The following ZNF574 variants were observed in gnomAD, a reference collection of about 807,000 sequenced individuals.
ZNF574 encodes the protein zinc finger protein 574.
In ZNF574, 25 loss-of-function variants were observed where a neutral mutation model predicts 56.6. The ratio of observed to expected loss-of-function variants is 0.44; its 90% confidence interval spans 0.32 to 0.62. ZNF574 has a LOEUF of 0.62. Ranked by LOEUF, ZNF574 falls within the 20% of genes least tolerant of loss-of-function variation. ZNF574 has a pLI of 0.04. For missense variants in ZNF574, 1,065 were observed against 1,218.9 expected (o/e 0.87, Z 1.88); for synonymous variants, 543 against 492.1 (o/e 1.10, Z -1.37).
exon 1 of ZNF574, chr19:42,068,615 T>C (rs2076375483): frequency 2.4e-6 from 1 of 421,314 alleles, no homozygotes; most frequent in Non-Finnish European, 4.2e-6. Flanking sequence ...AGGCACAGAA[T>C]AGAAAGAGAA....
rs181013078 is a variant in ZNF574 at position 42,079,175 on chromosome 19, G to A, written c.569G>A (p.Gly190Glu). The change falls in exon 2 of 2, where the codon GGG (glycine) becomes GAG (glutamate). Residue 190 changes from glycine to glutamate, a missense_variant. Coordinates refer to ENST00000359044, the MANE Select transcript of ZNF574 (RefSeq NM_022752.6). The surrounding 1 kb of genome is among the most constrained non-coding windows in gnomAD (Gnocchi z 4.3). ...TCATACCGAAAGGCAGAAGAGGGTG[G>A]GGAAGGGGCGACTGTCCCATCTGCC... The part of the protein sequence containing the change: ...EHSYRKAEEG[G>E]EGATVPSAAA... The A allele has an allele frequency of 6.2e-7, 1 of 1,613,892 alleles. No individual in the cohort carries two copies. The highest frequency in any genetic ancestry group is 1.1e-5 in the South Asian group (1 of 91,086).
In ZNF574 at chr19:42,078,861, G is replaced by A. The variant is rs1599876429; in HGVS notation, c.255G>A (p.Leu85=). ...AGTGCCTGGAGTGTGGTCAACTGCT[G>A]ATGTCACCCAGCCAGCTCCTGGAGC... ...QYQCLECGQL[L]MSPSQLLEHQ... The change falls in exon 2 of 2, where the codon CTG becomes CTA. Residue 85 remains leucine, a synonymous_variant. Transcript: ENST00000359044. 1.2e-6 allele frequency: 2 copies of A among 1,614,078 alleles called. No individual in the cohort carries two copies. Among genetic ancestry groups the A allele is most frequent in the East Asian group, 4.5e-5 (2 of 44,876 alleles).
At position 42,079,984 on chromosome 19, in the gene ZNF574, CCCGCTGCCCCAGGCACCTA is replaced by C. The variant is rs2076485751; in HGVS notation, c.1387_1405del (p.Pro463SerfsTer13). 6.2e-7 allele frequency: 1 copy of C among 1,613,748 alleles called. No homozygotes were observed. On this transcript the variant is annotated frameshift_variant, in exon 2 of 2. Transcript: ENST00000359044. LOFTEE classifies it high-confidence loss of function. The surrounding 1 kb of genome is among the most constrained non-coding windows in gnomAD (Gnocchi z 4.3). ...TGTGTCTGAGGAGACCTCAGCAGGG[CCCGCTGCCCCAGGCACCTA>C]CCGCTGCCTCCTGTGCAGCCGTGAA...
At position 42,080,315 on chromosome 19, in the gene ZNF574, G is replaced by A. The variant is rs769438304; in HGVS notation, c.1709G>A (p.Arg570His). ...FTQSSTLRQH[R>H]LVHAQHFPYR... ...CAAAGCTCCACACTGAGGCAGCACC[G>A]CTTGGTGCATGCCCAGCACTTCCCC... The change falls in exon 2 of 2, where the codon CGC (arginine) becomes CAC (histidine). Residue 570 changes from arginine to histidine, a missense_variant. Physicochemically the swap from Arg to His is conservative, Grantham distance 29. Transcript: ENST00000359044. This position sits in a 1 kb window ranked among gnomAD's most constrained non-coding sequence, Gnocchi z 8.5. 2.2e-5 allele frequency: 35 copies of A among 1,614,032 alleles called. No homozygotes were observed. Among genetic ancestry groups the A allele is most frequent in the Non-Finnish European group, 2.7e-5 (32 of 1,180,018 alleles).
chr19:42,079,740 C>T lies in ZNF574; in HGVS notation c.1134C>T (p.Leu378=), dbSNP rs771624136. The part of the protein sequence containing the change: ...DCGLAFGTEA[L]LLAHRRAHTP... ...GCCTGGCCTTCGGCACAGAGGCCCTCCTCCTGGCCCACCGGCGAGCCCACA... is the reference window on the plus strand; with the variant it reads ...GCCTGGCCTTCGGCACAGAGGCCCTTCTCCTGGCCCACCGGCGAGCCCACA... Residue 378 remains leucine (L), a synonymous_variant, in exon 2 of 2, where the codon CTC becomes CTT. Transcript: ENST00000359044. This position sits in a 1 kb window ranked among gnomAD's most constrained non-coding sequence, Gnocchi z 4.3. 1.1e-5 allele frequency: 18 copies of T among 1,614,050 alleles called. No homozygotes were observed. In the African/African-American group the frequency reaches 2.3e-4, roughly 20 times the overall value.
Position 42,080,601 on chromosome 19 carries a change from G to T in ZNF574, c.1995G>T (p.Arg665=). 1.9e-6 allele frequency: 3 copies of T among 1,612,796 alleles called. No homozygotes were observed. Among genetic ancestry groups the T allele is most frequent in the Non-Finnish European group, 1.7e-6 (2 of 1,179,868 alleles). Residue 665 remains arginine, a synonymous_variant, in exon 2 of 2, where the codon CGG becomes CGT. Coordinates refer to ENST00000359044, the MANE Select transcript of ZNF574 (RefSeq NM_022752.6). This position sits in a 1 kb window ranked among gnomAD's most constrained non-coding sequence, Gnocchi z 8.5. The part of the protein sequence containing the change: ...RCAAAAAQAP[R]RFECGTCGKK... ...CAGCCGCTGCTGCCCAGGCCCCACG[G>T]CGCTTTGAGTGTGGCACCTGTGGCA...
In ZNF574 at chr19:42,081,355, T is replaced by C. The variant is rs762743867; in HGVS notation, c.*58T>C. ...CCCTGTTGCTGAAGGCCCTCCAGCA[T>C]CCCCTTAAGCATCTGTACATACTGT... On this transcript the variant is annotated 3_prime_UTR_variant, in exon 2 of 2. Transcript: ENST00000359044. 7 of 1,591,954 alleles carry C rather than the reference T, an allele frequency of 4.4e-6. No homozygotes were observed. The South Asian group carries it at 7.7e-5, about 18-fold the overall frequency.
chr19:42,081,326 C>T lies in ZNF574; in HGVS notation c.*29C>T, dbSNP rs2076500629. Reference sequence around the variant, plus strand: ...TGCCCGACTTCCTCTTTGGCACCTCCATTCCCTGTTGCTGAAGGCCCTCCA... The same window carrying T: ...TGCCCGACTTCCTCTTTGGCACCTCTATTCCCTGTTGCTGAAGGCCCTCCA... On this transcript the variant is annotated 3_prime_UTR_variant, in exon 2 of 2. Transcript: ENST00000359044. 2 of 1,613,894 alleles carry T rather than the reference C, an allele frequency of 1.2e-6. No individual in the cohort carries two copies. The highest frequency in any genetic ancestry group is 1.3e-5 in the African/African-American group (1 of 74,938).
Position 42,081,192 on chromosome 19 carries a change from C to A in ZNF574, c.2586C>A (p.Ala862=). 6.2e-7 allele frequency: 1 copy of A among 1,614,114 alleles called. No individual in the cohort carries two copies. Among genetic ancestry groups the A allele is most frequent in the Non-Finnish European group, 8.5e-7 (1 of 1,180,032 alleles). The part of the protein sequence containing the change: ...VRQQLAEAEA[A]VGLAVMETAV... ...AGCAGCTGGCAGAGGCGGAGGCTGC[C>A]GTTGGCCTGGCCGTCATGGAGACTG... The change falls in exon 2 of 2, where the codon GCC becomes GCA. Residue 862 remains alanine, a synonymous_variant. Transcript: ENST00000359044.
At chr19:42,076,739 G>A (rs964784570) in intron 1 of ZNF574, among the ~76,000 whole-genome samples, 15 of 152,204 alleles carry the variant, frequency 9.9e-5, no homozygotes, top group Middle Eastern at 3.2e-3. Context: ...AAAATATCTA[G>A]TTCTTCCTGG....
intron 1 of ZNF574, 54 bp from the exon 2 acceptor site, chr19:42,078,533 A>C: frequency 8.2e-5 from 120 of 1,459,592 alleles, no homozygotes; most frequent in Non-Finnish European, 1.1e-4. Context: ...GATGAAGGGA[A>C]GAGCTGAGGA....
At chr19:42,075,114 G>C (rs919828824), upstream of ZNF574, 2 of 152,066 alleles carry the variant, frequency 1.3e-5, no homozygotes, top group Non-Finnish European at 2.9e-5. Context: ...TCGAATGCCT[G>C]ACTTCAAGTG....
intron 1 of ZNF574, among the ~76,000 whole-genome samples, chr19:42,077,150 G>A (rs1568942930): frequency 6.6e-6 from 1 of 151,940 alleles, no homozygotes; most frequent in Non-Finnish European, 1.5e-5. Flanking sequence ...TAAGACGCTG[G>A]GGGGTCTGAG....
Position 42,081,380 on chromosome 19 carries a change from T to C in ZNF574, c.*83T>C. 6.5e-7 allele frequency: 1 copy of C among 1,538,094 alleles called. No homozygotes were observed. Among genetic ancestry groups the C allele is most frequent in the Non-Finnish European group, 9.0e-7 (1 of 1,112,986 alleles). ...TCCCCTTAAGCATCTGTACATACTGTGTCCCTTCCTCTTCCCATCCCCACC... is the reference window on the plus strand; with the variant it reads ...TCCCCTTAAGCATCTGTACATACTGCGTCCCTTCCTCTTCCCATCCCCACC... On this transcript the variant is annotated 3_prime_UTR_variant, in exon 2 of 2. Transcript: ENST00000359044.
At position 42,079,765 on chromosome 19, in the gene ZNF574, A is replaced by G. The variant is rs766373878; in HGVS notation, c.1159A>G (p.Thr387Ala). 15 of 1,613,950 alleles carry G rather than the reference A, an allele frequency of 9.3e-6. No homozygotes were observed. The highest frequency in any genetic ancestry group is 1.3e-5 in the Non-Finnish European group (15 of 1,180,004). Residue 387 changes from threonine to alanine, a missense_variant, in exon 2 of 2, where the codon ACC becomes GCC. Physicochemically the swap from Thr to Ala is moderately conservative, Grantham distance 58. Transcript: ENST00000359044. The surrounding 1 kb of genome is among the most constrained non-coding windows in gnomAD (Gnocchi z 4.3). ...ALLLAHRRAH[T>A]PNPLHSCPCG... Reference sequence around the variant, plus strand: ...CCTCCTGGCCCACCGGCGAGCCCACACCCCGAATCCTCTGCATTCATGTCC... The same window carrying G: ...CCTCCTGGCCCACCGGCGAGCCCACGCCCCGAATCCTCTGCATTCATGTCC...
upstream of ZNF574, among the ~76,000 whole-genome samples, chr19:42,073,544 G>A (rs897939324): frequency 1.3e-5 from 2 of 150,402 alleles, no homozygotes; most frequent in African/African-American, 4.9e-5. Flanking sequence ...AAAAAACCCG[G>A]GCATGGTGGC....
upstream of ZNF574, among the ~76,000 whole-genome samples, chr19:42,071,196 A>G (rs1224961511): frequency 3.3e-5 from 5 of 151,556 alleles, no homozygotes; most frequent in East Asian, 7.8e-4. Flanking sequence ...CTTCCCAGGG[A>G]ACACCCTGCA....
chr19:42,072,119 C>T (rs1235366550), upstream of ZNF574, among the ~76,000 whole-genome samples: 1 of 152,078 alleles, frequency 6.6e-6, no homozygotes, highest in Non-Finnish European at 1.5e-5. Flanking sequence ...TTATCCTCAG[C>T]TTATTCCTAT....
chr19:42,080,857 A>G lies in ZNF574; in HGVS notation c.2251A>G (p.Thr751Ala). 1 of 1,613,878 alleles carries G rather than the reference A, an allele frequency of 6.2e-7. No individual in the cohort carries two copies. The highest frequency in any genetic ancestry group is 8.5e-7 in the Non-Finnish European group (1 of 1,179,968). ...SECKKLFSTETSLQVHRRIHT... is the reference protein window; with the variant it reads ...SECKKLFSTEASLQVHRRIHT... ...GTGCAAGAAGCTGTTCAGCACAGAGACGTCACTGCAGGTGCACCGGCGCAT... is the reference window on the plus strand; with the variant it reads ...GTGCAAGAAGCTGTTCAGCACAGAGGCGTCACTGCAGGTGCACCGGCGCAT... The change falls in exon 2 of 2, where the codon ACG becomes GCG. Residue 751 changes from threonine to alanine, a missense_variant. Transcript: ENST00000359044. This position sits in a 1 kb window ranked among gnomAD's most constrained non-coding sequence, Gnocchi z 8.5.
Sources: gnomAD v4.1 joint callset for allele counts (sites outside exome capture counted in the v4.1 genomes callset) on GRCh38, gnomAD v4.1.1 for gene constraint, Gnocchi (gnomAD v3.1) non-coding constraint, MANE v1.5 for transcripts, NCBI Gene and HGNC (gene_info 2026-07-23, HGNC 2026-07-21) for gene names.